Variants in TRAPPC10 observed in about 807,000 individuals in gnomAD.
TRAPPC10 encodes trafficking protein particle complex subunit 10, also known as TRAPP 130 kDa subunit.
Under a neutral mutation model 125.5 loss-of-function variants are expected in TRAPPC10, and 23 were observed. That is an observed-to-expected ratio of 0.18 (90% CI 0.13 to 0.26). TRAPPC10 has a LOEUF of 0.26. TRAPPC10 is among the 10% of genes least tolerant of loss of function. The pLI is 1.00. For synonymous variants in TRAPPC10, 509 were observed against 518.0 expected (o/e 0.98, Z 0.24); for missense variants, 1,123 against 1,308.4 (o/e 0.86, Z 2.19).
intron 13 of TRAPPC10, 145 bp downstream of exon 13, chr21:44,080,272 C>CTT: frequency 1.2e-5 from 7 of 604,650 alleles, no homozygotes; most frequent in Non-Finnish European, 1.9e-5. Flanking sequence ...TTTCACCTGA[C>CTT]TTTTTTTTTT....
At chr21:44,093,984 C>G (rs905821637) in intron 19 of TRAPPC10, 79 bp from the exon 20 acceptor site, 1 of 1,444,122 alleles carries the variant, frequency 6.9e-7, no homozygotes, top group African/African-American at 1.4e-5. Flanking sequence ...CTTCGCATGG[C>G]GTGTGTTTCG....
chr21:44,045,592 C>A (rs1434665987), intron 3 of TRAPPC10, among the ~76,000 whole-genome samples: 1 of 151,592 alleles, frequency 6.6e-6, no homozygotes, highest in Non-Finnish European at 1.5e-5. Flanking sequence ...CGCACTGTTG[C>A]CCAGGCTGGA....
intron 7 of TRAPPC10, among the ~76,000 whole-genome samples, 177 bp from the exon 8 acceptor site, chr21:44,074,147 G>C (rs895956362): frequency 6.6e-6 from 1 of 152,194 alleles, no homozygotes; most frequent in Non-Finnish European, 1.5e-5. Context: ...GAATGTAGGT[G>C]ATTAGTGTTC....
intron 7 of TRAPPC10, among the ~76,000 whole-genome samples, chr21:44,070,995 A>G (rs1215967896): frequency 6.6e-6 from 1 of 152,248 alleles, no homozygotes; most frequent in Non-Finnish European, 1.5e-5. Flanking sequence ...GACACTTGAT[A>G]GGAGTGGATA....
At chr21:44,021,883 A>G (rs1176721537) in intron 1 of TRAPPC10, among the ~76,000 whole-genome samples, 8 of 152,132 alleles carry the variant, frequency 5.3e-5, no homozygotes, top group Admixed American at 5.2e-4. Context: ...CCAGAAACCT[A>G]ATCTACTGAC....
rs563553020 is a variant in TRAPPC10 at position 44,038,028 on chromosome 21, G to A, written c.285+101G>A. ...GTGGGGGAAGAGGACGCGTGGTGGG[G>A]TGGAGTTGGAGATGCGTGGAGAGTG... On this transcript the variant is annotated intron_variant, in intron 3 of 22. Transcript: ENST00000291574. 1.4e-4 allele frequency: 202 copies of A among 1,450,752 alleles called. 1 individual carries two copies. The African/African-American group carries it at 2.7e-3, about 20-fold the overall frequency. The allele number at this position is 1,450,752 out of a possible 1,614,324, so 89.9% of individuals were successfully genotyped here. A position where few individuals can be genotyped will look rare whatever the true frequency, so the allele number is the denominator to read the frequency against.
At chr21:44,072,497 A>G (rs2299818) in intron 7 of TRAPPC10, among the ~76,000 whole-genome samples, 49,935 of 151,844 alleles carry the variant, frequency 0.33, 10,926 homozygotes, top group African/African-American at 0.63. Context: ...GTGTTTCGCT[A>G]TTGTTGCCCA....
chr21:44,032,066 C>G, intron 1 of TRAPPC10, 25 bp from the exon 2 acceptor site: 1 of 1,591,508 alleles, frequency 6.3e-7, no homozygotes, highest in South Asian at 1.1e-5. Context: ...AATATGGTAA[C>G]TGAATTTCTT....
At chr21:44,038,612 A>T (rs1428516705) in intron 3 of TRAPPC10, among the ~76,000 whole-genome samples, 1 of 152,042 alleles carries the variant, frequency 6.6e-6, no homozygotes, top group Admixed American at 6.5e-5. Flanking sequence ...CGTTCTTGAC[A>T]CACTTCTTCT....
intron 1 of TRAPPC10, among the ~76,000 whole-genome samples, chr21:44,023,929 G>C (rs1013020090): frequency 6.6e-6 from 1 of 152,124 alleles, no homozygotes; most frequent in Non-Finnish European, 1.5e-5. Flanking sequence ...GGGATTACAG[G>C]TGCATGCCAT....
intron 2 of TRAPPC10, among the ~76,000 whole-genome samples, chr21:44,034,268 G>A (rs1368865447): frequency 6.6e-6 from 1 of 152,022 alleles, no homozygotes; most frequent in East Asian, 1.9e-4. Flanking sequence ...GACAGGGACA[G>A]TTAGACTCAG....
chr21:44,049,122 T>G (rs1418251636), intron 3 of TRAPPC10, among the ~76,000 whole-genome samples: 3 of 152,140 alleles, frequency 2.0e-5, no homozygotes, highest in African/African-American at 7.2e-5. Context: ...AGGGGAGAGC[T>G]TTGCTGGTGA....
chr21:44,071,595 G>A (rs1308290039), intron 7 of TRAPPC10, among the ~76,000 whole-genome samples: 1 of 152,204 alleles, frequency 6.6e-6, no homozygotes, highest in Non-Finnish European at 1.5e-5. Context: ...CACACAGTAA[G>A]TAGTAACATA....
chr21:44,049,531 G>A (rs1312980934), intron 3 of TRAPPC10, among the ~76,000 whole-genome samples: 1 of 152,154 alleles, frequency 6.6e-6, no homozygotes, highest in East Asian at 1.9e-4. Context: ...GAATAAAAAG[G>A]CATCCCTGTC....
At chr21:44,075,512 G>T (rs2037212479) in intron 9 of TRAPPC10, among the ~76,000 whole-genome samples, 1 of 151,502 alleles carries the variant, frequency 6.6e-6, no homozygotes, top group Non-Finnish European at 1.5e-5. Context: ...AAGAGACAGG[G>T]TCTCACTCTG....
intron 1 of TRAPPC10, among the ~76,000 whole-genome samples, chr21:44,015,278 A>G (rs1159185488): frequency 3.3e-5 from 5 of 152,212 alleles, no homozygotes; most frequent in East Asian, 1.9e-4. Flanking sequence ...CTTTCTGGGA[A>G]GAATATAGAA....
At chr21:44,023,799 G>C (rs2032799276) in intron 1 of TRAPPC10, among the ~76,000 whole-genome samples, 1 of 152,140 alleles carries the variant, frequency 6.6e-6, no homozygotes, top group Non-Finnish European at 1.5e-5. Context: ...TTTGTTTTGA[G>C]ACAGGCTCTT....
intron 4 of TRAPPC10, among the ~76,000 whole-genome samples, chr21:44,055,328 G>T (rs1193966995): frequency 6.6e-6 from 1 of 152,102 alleles, no homozygotes; most frequent in East Asian, 1.9e-4. Flanking sequence ...GGTGGCTTAT[G>T]CCTATAATCC....
intron 14 of TRAPPC10, among the ~76,000 whole-genome samples, chr21:44,083,572 C>T (rs1264082993): frequency 6.6e-6 from 1 of 152,188 alleles, no homozygotes; most frequent in Non-Finnish European, 1.5e-5. Flanking sequence ...TTATTGGATT[C>T]AGTTAGCTTT....
Sources: gnomAD v4.1 joint callset for allele counts (sites outside exome capture counted in the v4.1 genomes callset) on GRCh38, gnomAD v4.1.1 for gene constraint, MANE v1.5 for transcripts, NCBI Gene and HGNC (gene_info 2026-07-23, HGNC 2026-07-21) for gene names.